The following TEK variants were observed in gnomAD, a reference collection of about 807,000 sequenced individuals.
TEK encodes the protein TEK receptor tyrosine kinase, also known as angiopoietin-1 receptor.
Under a neutral mutation model 131.8 loss-of-function variants are expected in TEK, and 43 were observed. The ratio of observed to expected loss-of-function variants is 0.33; its 90% CI spans 0.26 to 0.42. TEK has a LOEUF of 0.42. Ranked by LOEUF, TEK falls within the 10% of genes least tolerant of loss-of-function variation. The pLI is 1.00. For missense variants in TEK, 1,162 were observed against 1,384.4 expected, an observed-to-expected ratio of 0.84 and a Z score of 2.55; for synonymous variants, 580 against 491.6, an observed-to-expected ratio of 1.18 and a Z score of -2.38.
At position 27,230,022 on chromosome 9, in the gene TEK, G is replaced by A. The variant is rs1202888119; in HGVS notation, c.*790G>A. ...AGCCTGGGTGACATTTGGGAGACAT[G>A]TGACATTTATATATTGAATTAATAT... On this transcript the variant is annotated 3_prime_UTR_variant, in exon 23 of 23. Coordinates refer to ENST00000380036, the MANE Select transcript of TEK (RefSeq NM_000459.5). 1 of 151,924 alleles carries A rather than the reference G, an allele frequency of 6.6e-6. No individual in the cohort carries two copies. Among genetic ancestry groups the A allele is most frequent in the Admixed American group, 6.6e-5 (1 of 15,260 alleles). The allele number at this position is 151,924 out of a possible 1,614,324, so 9.4% of individuals were successfully genotyped here.
intron 1 of TEK, among the ~76,000 whole-genome samples, chr9:27,117,383 T>A (rs1333692719): frequency 6.6e-6 from 1 of 152,204 alleles, no homozygotes; most frequent in African/African-American, 2.4e-5. Flanking sequence ...AATTTTGAAC[T>A]GATAACCCTA....
At chr9:27,148,147 T>C (rs1822995868) in intron 1 of TEK, among the ~76,000 whole-genome samples, 2 of 152,250 alleles carry the variant, frequency 1.3e-5, no homozygotes, top group Non-Finnish European at 1.5e-5. Context: ...ATTGTAGATA[T>C]TGCGAGCACG....
At chr9:27,133,488 A>G (rs1822298515) in intron 1 of TEK, among the ~76,000 whole-genome samples, 1 of 152,198 alleles carries the variant, frequency 6.6e-6, no homozygotes, top group Admixed American at 6.5e-5. Context: ...CAATCTTCCA[A>G]CATAGCCTCC....
In TEK at chr9:27,189,526, G is replaced by A. The variant is rs373416295; in HGVS notation, c.1328-1003G>A. 1.5e-4 allele frequency among the ~76,000 whole-genome samples: 23 copies of A among 152,240 alleles called. No individual in the cohort carries two copies. In the South Asian group the frequency reaches 4.4e-3, roughly 29 times the overall value. On this transcript the variant is annotated intron_variant, in intron 9 of 22. Coordinates refer to ENST00000380036, the MANE Select transcript of TEK (RefSeq NM_000459.5). ...TGAGAAGATGTGGTCTTTGAGATGG[G>A]GAGATTGTTCTAGATTATCTGAGTG...
chr9:27,223,936 C>A (rs1414690958), intron 21 of TEK, among the ~76,000 whole-genome samples: 1 of 152,196 alleles, frequency 6.6e-6, no homozygotes. Flanking sequence ...GATATCACCA[C>A]TGATCCCACA....
chr9:27,191,291 A>G (rs1412557056), intron 10 of TEK, among the ~76,000 whole-genome samples: 1 of 152,210 alleles, frequency 6.6e-6, no homozygotes, highest in Non-Finnish European at 1.5e-5. Flanking sequence ...TTCCTGAAAG[A>G]AAAAAATAAT....
At chr9:27,156,846 T>G (rs975529687) in intron 1 of TEK, among the ~76,000 whole-genome samples, 7 of 152,198 alleles carry the variant, frequency 4.6e-5, no homozygotes, top group African/African-American at 1.7e-4. Context: ...GTCTCCTGAT[T>G]GTTTTATGCA....
chr9:27,227,927 G>T (rs564896369), intron 21 of TEK, among the ~76,000 whole-genome samples: 5 of 152,154 alleles, frequency 3.3e-5, no homozygotes, highest in Non-Finnish European at 5.9e-5. Context: ...CAAGGCAAAT[G>T]CTGCTCTAGA....
intron 21 of TEK, among the ~76,000 whole-genome samples, chr9:27,223,807 C>CA (rs1030115557): frequency 2.6e-5 from 4 of 151,636 alleles, no homozygotes; most frequent in African/African-American, 9.7e-5. Context: ...AAAAACCCTT[C>CA]AAAAAAAATC....
intron 4 of TEK, among the ~76,000 whole-genome samples, 177 bp downstream of exon 4, chr9:27,169,806 G>A (rs1204972507): frequency 6.6e-6 from 1 of 152,230 alleles, no homozygotes; most frequent in South Asian, 2.1e-4. Context: ...GCAATCATTA[G>A]AGGAATGACA....
chr9:27,150,277 G>A (rs1176659645), intron 1 of TEK, among the ~76,000 whole-genome samples: 1 of 152,144 alleles, frequency 6.6e-6, no homozygotes, highest in Non-Finnish European at 1.5e-5. Flanking sequence ...TCACCAACTG[G>A]TCTCTTTTCT....
chr9:27,223,129 G>A (rs1340555274), intron 21 of TEK, among the ~76,000 whole-genome samples: 1 of 152,050 alleles, frequency 6.6e-6, no homozygotes, highest in Non-Finnish European at 1.5e-5. Context: ...CTTAAAGCAA[G>A]TTCTTAGAGA....
rs1823876799 is a variant in TEK at position 27,169,693 on chromosome 9, G to A, written c.628+64G>A. 9 of 1,606,330 alleles carry A rather than the reference G, an allele frequency of 5.6e-6. No individual in the cohort carries two copies. The Admixed American group carries it at 8.3e-5, about 15-fold the overall frequency. ...TGTTAGGTTGTTAGGATTTTTAGTTGCAAATAACAGAAACTAACCATGGCT... is the reference window on the plus strand; with the variant it reads ...TGTTAGGTTGTTAGGATTTTTAGTTACAAATAACAGAAACTAACCATGGCT... On this transcript the variant is annotated intron_variant, in intron 4 of 22. Transcript: ENST00000380036.
chr9:27,137,870 G>A (rs775607752), intron 1 of TEK, among the ~76,000 whole-genome samples: 5 of 152,104 alleles, frequency 3.3e-5, no homozygotes, highest in African/African-American at 4.8e-5. Flanking sequence ...ATTCCGGTGG[G>A]TTCTTGGTCT....
chr9:27,195,536 T>C, intron 11 of TEK: 1 of 416,128 alleles, frequency 2.4e-6, no homozygotes, highest in South Asian at 1.8e-5. Context: ...TTTTGCCCCA[T>C]AGGAGTGATT....
At chr9:27,114,427 TG>T (rs1821467926) in intron 1 of TEK, among the ~76,000 whole-genome samples, 1 of 152,066 alleles carries the variant, frequency 6.6e-6, no homozygotes, top group South Asian at 2.1e-4. Context: ...AAAAGTTAGC[TG>T]GGCATGGTGG....
chr9:27,131,255 G>C (rs940512929), intron 1 of TEK, among the ~76,000 whole-genome samples: 2 of 152,066 alleles, frequency 1.3e-5, no homozygotes, highest in South Asian at 4.2e-4. Flanking sequence ...GCCGAGGCTG[G>C]CAGATCACTT....
At chr9:27,199,031 C>A (rs1825124174) in intron 12 of TEK, among the ~76,000 whole-genome samples, 1 of 152,160 alleles carries the variant, frequency 6.6e-6, no homozygotes, top group African/African-American at 2.4e-5. Flanking sequence ...AACTCCTGGG[C>A]TCAAGCAATC....
At chr9:27,129,828 C>T (rs1822142025) in intron 1 of TEK, among the ~76,000 whole-genome samples, 1 of 152,112 alleles carries the variant, frequency 6.6e-6, no homozygotes, top group Non-Finnish European at 1.5e-5. Context: ...AGGCTCTGGC[C>T]ACACTGGATA....
Sources: gnomAD v4.1 joint callset for allele counts (sites outside exome capture counted in the v4.1 genomes callset) on GRCh38, gnomAD v4.1.1 for gene constraint, MANE v1.5 for transcripts, NCBI Gene and HGNC (gene_info 2026-07-23, HGNC 2026-07-21) for gene names.